NRXN3: variants seen among roughly 807,000 people sequenced by gnomAD.
NRXN3 encodes neurexin 3.
NRXN3 carries 32 observed loss-of-function variants against 137.6 expected under a neutral mutation model. The ratio of observed to expected loss-of-function variants is 0.23; its 90% CI spans 0.18 to 0.31. The LOEUF (loss-of-function observed/expected upper bound fraction) is 0.31, where lower values mean the gene tolerates loss of function less well. Among genes scored for constraint, NRXN3 ranks in the 10% least tolerant of loss-of-function variants. The pLI is 1.00. For missense variants in NRXN3, 1,574 were observed against 2,062.5 expected, an observed-to-expected ratio of 0.76 and a Z score of 4.59; for synonymous variants, 798 against 784.5, an observed-to-expected ratio of 1.02 and a Z score of -0.29.
intron 10 of NRXN3, among the ~76,000 whole-genome samples, chr14:78,843,896 T>A (rs1304703990): frequency 1.3e-5 from 2 of 152,108 alleles, no homozygotes; most frequent in African/African-American, 4.8e-5. Flanking sequence ...CAGCCTTGCA[T>A]TCTGATGTCA....
chr14:78,715,910 C>G (rs2098429982), intron 8 of NRXN3, among the ~76,000 whole-genome samples: 2 of 152,082 alleles, frequency 1.3e-5, no homozygotes, highest in Admixed American at 6.6e-5. Flanking sequence ...TTGGGAGGCC[C>G]TTGGAAGGAG....
At position 78,178,628 on chromosome 14, in the gene NRXN3, G is replaced by A. The variant is rs73316373; in HGVS notation, c.-704+7954G>A. On this transcript the variant is annotated intron_variant, in intron 1 of 20. Coordinates refer to ENST00000335750, the MANE Select transcript of NRXN3 (RefSeq NM_001330195.2). ...CTTGCAGCAGGGACTGGCCCTCAGC[G>A]TGAGATTTCAGTGAAAGGACAATTA... 1.7e-3 allele frequency among the ~76,000 whole-genome samples: 261 copies of A among 152,266 alleles called. 2 individuals are homozygous for A. Among genetic ancestry groups the A allele is most frequent in the Admixed American group, 4.2e-3 (64 of 15,294 alleles).
chr14:79,621,932 A>G (rs925522365), intron 16 of NRXN3, among the ~76,000 whole-genome samples: 3 of 152,124 alleles, frequency 2.0e-5, no homozygotes, highest in African/African-American at 7.2e-5. Context: ...TCCCTTGGAT[A>G]TTTGTTTCAA....
intron 15 of NRXN3, among the ~76,000 whole-genome samples, chr14:79,110,448 G>T (rs1490207854): frequency 3.3e-5 from 5 of 152,184 alleles, no homozygotes; most frequent in Non-Finnish European, 5.9e-5. Flanking sequence ...TACCAACTAG[G>T]ATGTGAGTTC....
At chr14:78,329,687 G>A (rs2080548253) in intron 4 of NRXN3, among the ~76,000 whole-genome samples, 1 of 152,112 alleles carries the variant, frequency 6.6e-6, no homozygotes, top group South Asian at 2.1e-4. Flanking sequence ...AATCCAGTAG[G>A]AATTAATATC....
chr14:78,547,039 T>G (rs1295939091), intron 4 of NRXN3, among the ~76,000 whole-genome samples: 1 of 152,190 alleles, frequency 6.6e-6, no homozygotes, highest in Non-Finnish European at 1.5e-5. Flanking sequence ...ATTACATTAC[T>G]TTTCTTGTCA....
At chr14:78,220,907 G>A (rs1433812689) in intron 1 of NRXN3, among the ~76,000 whole-genome samples, 1 of 152,110 alleles carries the variant, frequency 6.6e-6, no homozygotes, top group East Asian at 1.9e-4. Flanking sequence ...AGCCCCTGTG[G>A]CATCTGAATG....
At chr14:78,225,546 A>G (rs1596097775) in intron 1 of NRXN3, among the ~76,000 whole-genome samples, 4 of 151,980 alleles carry the variant, frequency 2.6e-5, no homozygotes, top group African/African-American at 9.6e-5. Flanking sequence ...CCCATTTTGT[A>G]GGTTGCCTGT....
chr14:79,825,578 A>C (rs2099294792), intron 20 of NRXN3, among the ~76,000 whole-genome samples: 1 of 152,200 alleles, frequency 6.6e-6, no homozygotes, highest in Non-Finnish European at 1.5e-5. Flanking sequence ...GAAATTTAAG[A>C]AGTGCTTCAC....
At chr14:79,171,251 G>A (rs1348253901) in intron 15 of NRXN3, among the ~76,000 whole-genome samples, 4 of 152,104 alleles carry the variant, frequency 2.6e-5, no homozygotes, top group Non-Finnish European at 4.4e-5. Context: ...AAGGAAGGAA[G>A]TGAAGAGCAT....
At chr14:79,526,355 C>A (rs958347303) in intron 16 of NRXN3, among the ~76,000 whole-genome samples, 5 of 152,084 alleles carry the variant, frequency 3.3e-5, no homozygotes, top group African/African-American at 9.7e-5. Context: ...CCATATCCAC[C>A]TAATTTAAAA....
intron 15 of NRXN3, among the ~76,000 whole-genome samples, chr14:79,193,657 G>GA (rs946869343): frequency 3.3e-5 from 5 of 152,154 alleles, no homozygotes; most frequent in South Asian, 2.1e-4. Context: ...AATGGGCAGG[G>GA]AAAAAAATCT....
At chr14:79,354,522 A>G (rs780632169) in intron 15 of NRXN3, among the ~76,000 whole-genome samples, 4 of 152,182 alleles carry the variant, frequency 2.6e-5, no homozygotes, top group Non-Finnish European at 5.9e-5. Flanking sequence ...CTTTTGTGCA[A>G]TAGTACCTCC....
chr14:79,016,551 C>G (rs1028545373), intron 15 of NRXN3, among the ~76,000 whole-genome samples: 2 of 152,130 alleles, frequency 1.3e-5, no homozygotes, highest in African/African-American at 4.8e-5. Flanking sequence ...GGTCCCAGCT[C>G]TAGTAGAGCC....
chr14:79,354,427 G>A (rs2093345605), intron 15 of NRXN3, among the ~76,000 whole-genome samples: 1 of 152,060 alleles, frequency 6.6e-6, no homozygotes, highest in African/African-American at 2.4e-5. Flanking sequence ...AAAAAATTAG[G>A]TGACTATTTT....
intron 15 of NRXN3, among the ~76,000 whole-genome samples, chr14:79,041,658 G>T (rs1426552718): frequency 2.0e-5 from 3 of 152,142 alleles, no homozygotes; most frequent in Admixed American, 2.0e-4. Context: ...TAAGGAAAGT[G>T]AGGCTCACTT....
rs147837158 is a variant in NRXN3 at position 78,742,059 on chromosome 14, G to C, written c.2044+26920G>C. 2.0e-5 allele frequency among the ~76,000 whole-genome samples: 3 copies of C among 152,230 alleles called. No individual in the cohort carries two copies. The East Asian group carries it at 5.8e-4, about 29-fold the overall frequency. On this transcript the variant is annotated intron_variant, in intron 8 of 20. Transcript: ENST00000335750. ...GTGCAGCCTCATTTCAACAAATCAG[G>C]TTGTCAAAATGGCTAATTGTTTCCT...
intron 1 of NRXN3, among the ~76,000 whole-genome samples, chr14:78,173,072 C>T (rs1056594657): frequency 1.3e-5 from 2 of 151,594 alleles, no homozygotes; most frequent in Non-Finnish European, 2.9e-5. Context: ...GTGTGTTTGT[C>T]GATGTGCATG....
chr14:78,956,757 G>A (rs1323758618), intron 10 of NRXN3, among the ~76,000 whole-genome samples: 1 of 152,192 alleles, frequency 6.6e-6, no homozygotes, highest in African/African-American at 2.4e-5. Context: ...GAAATGTCAA[G>A]TTAAGGCATA....
Sources: allele counts gnomAD v4.1 joint callset (sites outside exome capture counted in the v4.1 genomes callset), GRCh38; gene constraint gnomAD v4.1.1; transcripts MANE v1.5; gene names NCBI Gene and HGNC (gene_info 2026-07-23, HGNC 2026-07-21).